Variants in CCDC148 observed in about 807,000 individuals in gnomAD.
The protein encoded by CCDC148 is coiled-coil domain-containing protein 148.
A neutral mutation model predicts 85.7 loss-of-function variants in CCDC148; 89 were observed. The observed-to-expected ratio is 1.04, with a 90% CI of 0.87 to 1.24. CCDC148 has a LOEUF of 1.24. Ranked by LOEUF, CCDC148 falls within the 50% of genes most tolerant of loss-of-function variation. The pLI, the probability that CCDC148 is intolerant of heterozygous loss-of-function variation, is 0.00. For synonymous variants in CCDC148, 230 were observed against 213.9 expected, an observed-to-expected ratio of 1.08 and a Z score of -0.66; for missense variants, 692 against 671.7, an observed-to-expected ratio of 1.03 and a Z score of -0.33.
chr2:158,175,597 A>G lies in CCDC148; in HGVS notation c.1629+924T>C, dbSNP rs1167548723. 3.3e-5 allele frequency among the ~76,000 whole-genome samples: 5 copies of G among 151,982 alleles called. No homozygotes were observed. In the East Asian group the frequency reaches 9.7e-4, roughly 29 times the overall value. On this transcript the variant is annotated intron_variant, in intron 13 of 13. Coordinates refer to ENST00000283233, the MANE Select transcript of CCDC148 (RefSeq NM_138803.4). Reference sequence around the variant, plus strand: ...CTTTTGCTCACTTCCTCCAGACAAGATCAGCCTATCTTGCTCTGATGTAGC... The same window carrying G: ...CTTTTGCTCACTTCCTCCAGACAAGGTCAGCCTATCTTGCTCTGATGTAGC...
At chr2:158,384,851 G>T (rs1685018836) in intron 1 of CCDC148, among the ~76,000 whole-genome samples, 1 of 152,176 alleles carries the variant, frequency 6.6e-6, no homozygotes, top group African/African-American at 2.4e-5. Context: ...CAGTTCTGCA[G>T]GTTGGAAGTC....
At chr2:158,333,028 CTCTT>C (rs1353444314) in intron 7 of CCDC148, among the ~76,000 whole-genome samples, 2 of 151,966 alleles carry the variant, frequency 1.3e-5, no homozygotes, top group African/African-American at 4.8e-5. Context: ...TTGTCTCTAT[CTCTT>C]TCAGTTCTGC....
chr2:158,347,177 G>C (rs1683035283), intron 2 of CCDC148, among the ~76,000 whole-genome samples: 1 of 152,026 alleles, frequency 6.6e-6, no homozygotes, highest in Non-Finnish European at 1.5e-5. Context: ...TGTTGCAACA[G>C]ATACAACTTT....
chr2:158,372,385 T>G (rs1574712102), intron 1 of CCDC148, among the ~76,000 whole-genome samples: 1 of 152,144 alleles, frequency 6.6e-6, no homozygotes, highest in South Asian at 2.1e-4. Flanking sequence ...AATACTGTTT[T>G]GCCTCTAATT....
chr2:158,239,288 T>TTC (rs144758960), intron 10 of CCDC148, among the ~76,000 whole-genome samples: 8,828 of 148,970 alleles, frequency 0.059, 357 homozygotes, highest in Non-Finnish European at 0.096. Flanking sequence ...TATCCAGGCT[T>TTC]TCTCTCTCTC....
At chr2:158,339,236 A>G (rs1682548831) in intron 5 of CCDC148, 151 bp from the exon 6 acceptor site, 1 of 635,460 alleles carries the variant, frequency 1.6e-6, no homozygotes. Context: ...CCAGGTAGGC[A>G]GTGCTCATCA....
intron 9 of CCDC148, among the ~76,000 whole-genome samples, chr2:158,296,334 C>T (rs925367461): frequency 6.6e-6 from 1 of 152,140 alleles, no homozygotes; most frequent in Non-Finnish European, 1.5e-5. Context: ...ACTACCCTTT[C>T]TTCATTGAAC....
At chr2:158,350,363 G>A (rs1490725300) in intron 2 of CCDC148, among the ~76,000 whole-genome samples, 1 of 152,018 alleles carries the variant, frequency 6.6e-6, no homozygotes, top group Non-Finnish European at 1.5e-5. Context: ...TCGAATGGAT[G>A]GATGGTATTA....
intron 9 of CCDC148, among the ~76,000 whole-genome samples, chr2:158,308,077 G>C (rs1419287964): frequency 6.6e-6 from 1 of 152,046 alleles, no homozygotes; most frequent in Non-Finnish European, 1.5e-5. Context: ...GTCTATGGTT[G>C]GTATTGGATA....
intron 1 of CCDC148, among the ~76,000 whole-genome samples, chr2:158,374,589 T>C (rs1684580399): frequency 6.6e-6 from 1 of 151,924 alleles, no homozygotes. Context: ...GATGCTGCAA[T>C]TGGAGGTTAG....
chr2:158,252,811 T>A (rs558285419), intron 9 of CCDC148, among the ~76,000 whole-genome samples: 5 of 151,914 alleles, frequency 3.3e-5, no homozygotes, highest in Non-Finnish European at 5.9e-5. Flanking sequence ...ACAAAATTTA[T>A]ACCATCCGCT....
At chr2:158,240,464 A>ACACACG (rs2105320441) in intron 10 of CCDC148, among the ~76,000 whole-genome samples, 1 of 150,808 alleles carries the variant, frequency 6.6e-6, no homozygotes, top group South Asian at 2.1e-4. Flanking sequence ...ACACACACAC[A>ACACACG]CACACACACA....
At chr2:158,377,624 T>A (rs1167651775) in intron 1 of CCDC148, among the ~76,000 whole-genome samples, 1 of 152,106 alleles carries the variant, frequency 6.6e-6, no homozygotes, top group Non-Finnish European at 1.5e-5. Context: ...TTCATTTCAT[T>A]GCACTTCACA....
intron 9 of CCDC148, among the ~76,000 whole-genome samples, chr2:158,304,660 G>A (rs1399094336): frequency 2.0e-5 from 3 of 152,170 alleles, no homozygotes; most frequent in Non-Finnish European, 4.4e-5. Flanking sequence ...GGTGTAGAAA[G>A]TTAGATAGAA....
At chr2:158,329,736 AG>A (rs1692993555) in intron 7 of CCDC148, among the ~76,000 whole-genome samples, 1 of 151,930 alleles carries the variant, frequency 6.6e-6, no homozygotes, top group South Asian at 2.1e-4. Context: ...GTCCCTTGTA[AG>A]TTGGATTCCT....
chr2:158,342,030 T>C (rs1209888494), intron 3 of CCDC148, among the ~76,000 whole-genome samples: 2 of 138,456 alleles, frequency 1.4e-5, no homozygotes, highest in Non-Finnish European at 3.1e-5. Flanking sequence ...TCTTTTCTTT[T>C]TTTTTTTTTT....
intron 2 of CCDC148, among the ~76,000 whole-genome samples, chr2:158,348,457 T>C (rs1331788964): frequency 6.6e-6 from 1 of 151,848 alleles, no homozygotes; most frequent in Non-Finnish European, 1.5e-5. Context: ...AAGTATAATG[T>C]ACAGACCATA....
chr2:158,292,996 T>C (rs893129423), intron 9 of CCDC148, among the ~76,000 whole-genome samples: 1 of 152,178 alleles, frequency 6.6e-6, no homozygotes, highest in African/African-American at 2.4e-5. Flanking sequence ...CCATTATGGA[T>C]CAGGATTGGT....
chr2:158,284,522 A>T (rs909796918), intron 9 of CCDC148, among the ~76,000 whole-genome samples: 2 of 152,186 alleles, frequency 1.3e-5, no homozygotes, highest in Admixed American at 1.3e-4. Flanking sequence ...GCATTCACCA[A>T]CTCAGGGAGG....
Sources: gnomAD v4.1 joint callset for allele counts (sites outside exome capture counted in the v4.1 genomes callset) on GRCh38, gnomAD v4.1.1 for gene constraint, MANE v1.5 for transcripts, NCBI Gene and HGNC (gene_info 2026-07-23, HGNC 2026-07-21) for gene names.